RGS7: variants seen among roughly 807,000 people sequenced by gnomAD.
RGS7 encodes regulator of G-protein signaling 7.
RGS7 carries 27 observed loss-of-function variants against 81.1 expected under a neutral mutation model. The ratio of observed to expected loss-of-function variants is 0.33; its 90% CI spans 0.25 to 0.46. The LOEUF is 0.46. RGS7 is among the 20% of genes least tolerant of loss of function. RGS7 has a pLI of 1.00. For synonymous variants in RGS7, 208 were observed against 207.7 expected, an observed-to-expected ratio of 1.00 and a Z score of -0.01; for missense variants, 396 against 607.4, an observed-to-expected ratio of 0.65 and a Z score of 3.66.
At chr1:240,799,354 T>TA (rs1687650869) in intron 18 of RGS7, among the ~76,000 whole-genome samples, 1 of 110,976 alleles carries the variant, frequency 9.0e-6, no homozygotes, top group East Asian at 2.5e-4. Flanking sequence ...TTCCAGTTGT[T>TA]TTTTTTTTTT....
At chr1:240,965,919 T>C (rs946171066) in intron 4 of RGS7, among the ~76,000 whole-genome samples, 11 of 152,174 alleles carry the variant, frequency 7.2e-5, no homozygotes, top group Admixed American at 7.2e-4. Flanking sequence ...CTGGAAAGCA[T>C]TAATAAAATG....
intron 6 of RGS7, among the ~76,000 whole-genome samples, chr1:240,880,893 G>T (rs12403763): frequency 6.6e-6 from 1 of 151,868 alleles, no homozygotes; most frequent in Non-Finnish European, 1.5e-5. Context: ...TTTTCCTCTG[G>T]TTTTGCTTTC....
intron 2 of RGS7, among the ~76,000 whole-genome samples, chr1:241,344,717 T>A (rs528742888): frequency 2.0e-5 from 3 of 152,328 alleles, no homozygotes; most frequent in South Asian, 4.1e-4. Flanking sequence ...TGAGAACCTA[T>A]GAAAAGAGGT....
intron 2 of RGS7, among the ~76,000 whole-genome samples, chr1:241,303,211 T>C (rs1286800786): frequency 6.6e-6 from 1 of 150,998 alleles, no homozygotes; most frequent in Admixed American, 6.6e-5. Flanking sequence ...GATTGGTCCA[T>C]GGGGGTGGAT....
intron 14 of RGS7, 113 bp from the exon 15 acceptor site, chr1:240,806,439 T>C: frequency 1.1e-6 from 1 of 942,784 alleles, no homozygotes; most frequent in Non-Finnish European, 1.7e-6. Flanking sequence ...GCTCACTTTC[T>C]CTGAGGGCTT....
At chr1:241,321,496 A>C (rs2081209175) in intron 2 of RGS7, among the ~76,000 whole-genome samples, 1 of 152,156 alleles carries the variant, frequency 6.6e-6, no homozygotes, top group African/African-American at 2.4e-5. Flanking sequence ...TTCACTTTCC[A>C]AAGGCACACT....
intron 2 of RGS7, among the ~76,000 whole-genome samples, chr1:241,187,295 G>C (rs1455476851): frequency 1.3e-5 from 2 of 151,988 alleles, no homozygotes; most frequent in African/African-American, 4.8e-5. Flanking sequence ...ATTTCCCTAG[G>C]AATCCTGTGA....
In RGS7 at chr1:241,176,969, C is replaced by T. The variant is rs1222614536; in HGVS notation, c.79-78207G>A. Among the ~76,000 whole-genome samples the T allele has an allele frequency of 5.9e-5, 9 of 152,256 alleles. No individual in the cohort carries two copies. In the South Asian group the frequency reaches 6.2e-4, roughly 11 times the overall value. On this transcript the variant is annotated intron_variant, in intron 2 of 18. Transcript: ENST00000440928. ...GTCTCACCAAAGTGAAAAACTGAAGCGGACTCCTAAGGCCACGCATGGAGC... is the reference window on the plus strand; with the variant it reads ...GTCTCACCAAAGTGAAAAACTGAAGTGGACTCCTAAGGCCACGCATGGAGC...
chr1:240,779,453 C>T (rs1192990662), intron 18 of RGS7, among the ~76,000 whole-genome samples: 1 of 152,018 alleles, frequency 6.6e-6, no homozygotes, highest in Non-Finnish European at 1.5e-5. Flanking sequence ...CTGCGTCAGG[C>T]CTAGTGCTCT....
At chr1:240,974,907 G>GAA (rs138869199) in intron 4 of RGS7, among the ~76,000 whole-genome samples, 2 of 142,292 alleles carry the variant, frequency 1.4e-5, no homozygotes, top group Non-Finnish European at 3.1e-5. Context: ...CAGAGGAAGG[G>GAA]AAAAAAAAAA....
intron 15 of RGS7, among the ~76,000 whole-genome samples, chr1:240,803,402 C>CT (rs953595399): frequency 1.3e-5 from 2 of 152,096 alleles, no homozygotes; most frequent in Non-Finnish European, 2.9e-5. Flanking sequence ...TACCTTTGGC[C>CT]TCTACATTTA....
intron 2 of RGS7, among the ~76,000 whole-genome samples, chr1:241,258,564 T>C (rs2077155901): frequency 6.6e-6 from 1 of 152,200 alleles, no homozygotes; most frequent in South Asian, 2.1e-4. Context: ...GAGGAAATCA[T>C]AAAATGTAAC....
chr1:240,889,883 A>C (rs1668001458), intron 6 of RGS7, among the ~76,000 whole-genome samples: 1 of 152,130 alleles, frequency 6.6e-6, no homozygotes, highest in South Asian at 2.1e-4. Flanking sequence ...TCGCATGCGC[A>C]CACTAGAGGC....
In RGS7 at chr1:241,090,540, G is replaced by A. The variant is rs77199851; in HGVS notation, c.175+8126C>T. 5.1e-3 allele frequency among the ~76,000 whole-genome samples: 784 copies of A among 152,240 alleles called. 57 individuals are homozygous for A. The East Asian group carries it at 0.14, about 27-fold the overall frequency. The stretch of plus-strand genomic sequence containing the variant: ...TTTAGAAATATTTAATTTAAGCCAT[G>A]AGACGGATGGCATTGCCTTGAGAAA... On this transcript the variant is annotated intron_variant, in intron 3 of 18. Coordinates refer to ENST00000440928, the MANE Select transcript of RGS7 (RefSeq NM_001364886.1).
At chr1:241,162,611 G>A (rs2069818939) in intron 2 of RGS7, among the ~76,000 whole-genome samples, 1 of 152,062 alleles carries the variant, frequency 6.6e-6, no homozygotes, top group Admixed American at 6.6e-5. Context: ...AAACAACTCT[G>A]ACTCCTGCTC....
intron 6 of RGS7, among the ~76,000 whole-genome samples, chr1:240,923,738 G>A (rs1018651155): frequency 1.3e-5 from 2 of 150,348 alleles, no homozygotes; most frequent in African/African-American, 4.9e-5. Context: ...CACACAATTT[G>A]TCTTAACGGA....
intron 2 of RGS7, among the ~76,000 whole-genome samples, chr1:241,205,965 T>A (rs2073852552): frequency 6.6e-6 from 1 of 151,996 alleles, no homozygotes; most frequent in South Asian, 2.1e-4. Context: ...AGCCAAAAAT[T>A]TGGCAGTAAT....
In RGS7 at chr1:241,322,637, C is replaced by T. The variant is rs1026912824; in HGVS notation, c.78+33062G>A. Among the ~76,000 whole-genome samples, 3 of 152,286 alleles carry T rather than the reference C, an allele frequency of 2.0e-5. 1 individual carries two copies. The East Asian group carries it at 5.8e-4, about 29-fold the overall frequency. ...GTTGTCTCTCATGTGTAACCTGGGC[C>T]TTGATGCTAAGCCACCCCTCAGAGA... On this transcript the variant is annotated intron_variant, in intron 2 of 18. Coordinates refer to ENST00000440928, the MANE Select transcript of RGS7 (RefSeq NM_001364886.1).
intron 2 of RGS7, among the ~76,000 whole-genome samples, chr1:241,350,899 G>C (rs1333916912): frequency 6.6e-6 from 1 of 152,176 alleles, no homozygotes; most frequent in African/African-American, 2.4e-5. Context: ...TCAATGCTAA[G>C]AGACCAGTAA....
Sources: gnomAD v4.1 joint callset for allele counts (sites outside exome capture counted in the v4.1 genomes callset) on GRCh38, gnomAD v4.1.1 for gene constraint, MANE v1.5 for transcripts, NCBI Gene and HGNC (gene_info 2026-07-23, HGNC 2026-07-21) for gene names.